The following SLC67A1 variants were observed in gnomAD, a reference collection of about 807,000 sequenced individuals.
SLC67A1 encodes the protein solute carrier family 67 member 1, also known as solute carrier family 67 member A1.
chr11:2,919,507 C>T, the SLC67A1 span: 23 of 834,862 alleles, frequency 2.8e-5, no homozygotes, highest in Non-Finnish European at 4.6e-5. Flanking sequence ...GCTGGGGAGC[C>T]CTTGGCCTCC....
chr11:2,902,617 T>C, the SLC67A1 span: 15 of 985,130 alleles, frequency 1.5e-5, no homozygotes, highest in Non-Finnish European at 1.8e-5. Flanking sequence ...GCTGTTAATG[T>C]GGCAAAATTT....
At chr11:2,919,184 CCT>C in the SLC67A1 span, 6 of 707,020 alleles carry the variant, frequency 8.5e-6, no homozygotes, top group Non-Finnish European at 1.5e-5. Flanking sequence ...CAGGCCCCTC[CCT>C]GAACCAGTCA....
the SLC67A1 span, chr11:2,909,838 C>G: frequency 9.4e-7 from 1 of 1,064,652 alleles, no homozygotes; most frequent in Non-Finnish European, 1.3e-6. Flanking sequence ...CGTGATGTGG[C>G]TACTGGGGAC....
chr11:2,909,153 C>T, the SLC67A1 span: 7 of 1,447,340 alleles, frequency 4.8e-6, no homozygotes, highest in African/African-American at 1.0e-4. Flanking sequence ...GAAGGGGACA[C>T]TGACCGCCTC....
the SLC67A1 span, among the ~76,000 whole-genome samples, chr11:2,918,668 A>G: frequency 5.3e-4 from 81 of 152,122 alleles, no homozygotes; most frequent in African/African-American, 1.9e-3. Context: ...GTTGGTTCTC[A>G]AAACTGGAAC....
chr11:2,908,996 C>T, the SLC67A1 span, among the ~76,000 whole-genome samples: 11 of 152,338 alleles, frequency 7.2e-5, no homozygotes, highest in Admixed American at 5.2e-4. Flanking sequence ...AAGCTGTCTG[C>T]GCACAGCCCC....
chr11:2,909,672 C>T, the SLC67A1 span: 5 of 1,541,506 alleles, frequency 3.2e-6, no homozygotes, highest in East Asian at 2.5e-5. Flanking sequence ...GAGTCATCCT[C>T]GGCTCCCTGC....
At chr11:2,920,094 G>GGT in the SLC67A1 span, 125,039 of 151,120 alleles carry the variant, frequency 0.83, 52,633 homozygotes, top group East Asian at 0.9. Context: ...GGGGCGGGGG[G>GGT]GCTATTCTGG....
At chr11:2,902,485 C>CG in the SLC67A1 span, 687 of 688,710 alleles carry the variant, frequency 1.0e-3, 16 homozygotes, top group East Asian at 2.7e-4. Context: ...CCCTGCTCCC[C>CG]CCAGCCTCCC....
chr11:2,914,813 C>T, the SLC67A1 span: 1 of 985,444 alleles, frequency 1.0e-6, no homozygotes, highest in Non-Finnish European at 1.2e-6. Context: ...GACACGCAGG[C>T]CTCTGAGGCC....
At chr11:2,918,416 G>C in the SLC67A1 span, among the ~76,000 whole-genome samples, 1 of 152,248 alleles carries the variant, frequency 6.6e-6, no homozygotes, top group Non-Finnish European at 1.5e-5. Context: ...AGGGACAGCA[G>C]GTCTGAGTGT....
chr11:2,918,481 C>T, the SLC67A1 span, among the ~76,000 whole-genome samples: 1 of 152,248 alleles, frequency 6.6e-6, no homozygotes, highest in Non-Finnish European at 1.5e-5. Flanking sequence ...GACCGTAGGG[C>T]GTCACGGACC....
the SLC67A1 span, chr11:2,921,872 G>T: frequency 1.2e-5 from 7 of 570,292 alleles, no homozygotes; most frequent in Admixed American, 1.8e-4. Context: ...CCTCCCTTGT[G>T]GAGAGGAGCC....
the SLC67A1 span, chr11:2,899,708 T>C: frequency 6.7e-7 from 1 of 1,489,348 alleles, no homozygotes; most frequent in Non-Finnish European, 8.9e-7. Flanking sequence ...CCATTCACAC[T>C]GAGCCTGTTC....
At chr11:2,902,522 A>C in the SLC67A1 span, 2 of 953,874 alleles carry the variant, frequency 2.1e-6, no homozygotes, top group Non-Finnish European at 2.5e-6. Flanking sequence ...GGAGGGCGCC[A>C]GGCGCAGCTC....
the SLC67A1 span, among the ~76,000 whole-genome samples, chr11:2,917,203 C>T: frequency 2.0e-5 from 3 of 152,204 alleles, no homozygotes; most frequent in Non-Finnish European, 2.9e-5. Context: ...TGAGGAGAGG[C>T]CAAGGCTCCT....
At chr11:2,917,927 G>A in the SLC67A1 span, 111 of 1,354,550 alleles carry the variant, frequency 8.2e-5, no homozygotes, top group African/African-American at 7.0e-4. Flanking sequence ...GCCTGCAGCC[G>A]GGCGAGGGGT....
the SLC67A1 span, chr11:2,899,757 A>C: frequency 7.0e-7 from 1 of 1,434,766 alleles, no homozygotes; most frequent in Non-Finnish European, 9.1e-7. Flanking sequence ...CCTCTGCTCA[A>C]CCAGTTCCCT....
At chr11:2,911,509 G>A in the SLC67A1 span, among the ~76,000 whole-genome samples, 4 of 152,078 alleles carry the variant, frequency 2.6e-5, no homozygotes, top group Non-Finnish European at 5.9e-5. Flanking sequence ...GAGGAAGGGC[G>A]TGAGGAGGGC....
Sources: allele counts gnomAD v4.1 joint callset (sites outside exome capture counted in the v4.1 genomes callset), GRCh38; gene constraint gnomAD v4.1.1; transcripts MANE v1.5; gene names NCBI Gene and HGNC (gene_info 2026-07-23, HGNC 2026-07-21).